NRG1: variants seen among roughly 807,000 people sequenced by gnomAD.
NRG1 encodes neuregulin 1.
NRG1 carries 18 observed loss-of-function variants against 63.8 expected under a neutral mutation model. That is an observed-to-expected ratio of 0.28 (90% CI 0.19 to 0.42). The LOEUF (loss-of-function observed/expected upper bound fraction) is 0.42, where lower values mean the gene tolerates loss of function less well. Among genes scored for constraint, NRG1 ranks in the 10% least tolerant of loss-of-function variants. The pLI, the probability that NRG1 is intolerant of heterozygous loss-of-function variation, is 1.00. For synonymous variants in NRG1, 302 were observed against 301.3 expected, an observed-to-expected ratio of 1.00 and a Z score of -0.02; for missense variants, 762 against 814.7, an observed-to-expected ratio of 0.94 and a Z score of 0.79.
At chr8:32,598,077 A>C (rs1843676597) in intron 2 of NRG1, among the ~76,000 whole-genome samples, 1 of 152,184 alleles carries the variant, frequency 6.6e-6, no homozygotes. Context: ...TTAAGTGCCC[A>C]TGAAAGGTTT....
intron 5 of NRG1, among the ~76,000 whole-genome samples, chr8:32,717,353 T>C (rs1819509169): frequency 6.6e-6 from 1 of 152,188 alleles, no homozygotes; most frequent in Non-Finnish European, 1.5e-5. Flanking sequence ...TGACGTAGAG[T>C]ACTTTAAAAA....
chr8:31,675,103 G>A (rs1056658343), intron 1 of NRG1, among the ~76,000 whole-genome samples: 2 of 152,240 alleles, frequency 1.3e-5, no homozygotes, highest in African/African-American at 4.8e-5. Flanking sequence ...AGCACTTTGG[G>A]AGGCCGAGGT....
At chr8:32,001,583 T>TTTC (rs1351532698) in intron 1 of NRG1, among the ~76,000 whole-genome samples, 1 of 152,064 alleles carries the variant, frequency 6.6e-6, no homozygotes, top group African/African-American at 2.4e-5. Flanking sequence ...TTTTCTTAGT[T>TTTC]TTCACCTTTG....
At chr8:32,578,484 T>C (rs111291777) in intron 1 of NRG1, among the ~76,000 whole-genome samples, 2 of 147,126 alleles carry the variant, frequency 1.4e-5, no homozygotes, top group Non-Finnish European at 3.0e-5. Context: ...TTTTTTTTTG[T>C]CACTAACATG....
chr8:32,560,254 C>A (rs1836125952), intron 1 of NRG1, among the ~76,000 whole-genome samples: 1 of 150,208 alleles, frequency 6.7e-6, no homozygotes, highest in Admixed American at 6.6e-5. Flanking sequence ...AATTTCAATT[C>A]TATTTTGAGC....
chr8:31,894,610 G>A (rs1046163430), intron 1 of NRG1, among the ~76,000 whole-genome samples: 2 of 146,702 alleles, frequency 1.4e-5, no homozygotes, highest in African/African-American at 2.6e-5. Flanking sequence ...GAGTGCAGTG[G>A]TGCGATCTTG....
At chr8:32,326,890 T>C (rs1354366566) in intron 1 of NRG1, among the ~76,000 whole-genome samples, 1 of 152,178 alleles carries the variant, frequency 6.6e-6, no homozygotes, top group African/African-American at 2.4e-5. Context: ...GCTCAAGCAA[T>C]ATCTTTGATC....
intron 3 of NRG1, among the ~76,000 whole-genome samples, chr8:32,610,421 T>C (rs887534371): frequency 1.3e-5 from 2 of 152,156 alleles, no homozygotes; most frequent in Non-Finnish European, 2.9e-5. Context: ...TGATGTTTAA[T>C]CTCATTAAGG....
intron 1 of NRG1, among the ~76,000 whole-genome samples, chr8:32,056,688 A>G (rs1823001748): frequency 6.6e-6 from 1 of 152,186 alleles, no homozygotes; most frequent in African/African-American, 2.4e-5. Context: ...CTTGGCACTG[A>G]AAATACCTCT....
chr8:32,189,812 G>T (rs1318163800), intron 1 of NRG1, among the ~76,000 whole-genome samples: 4 of 152,042 alleles, frequency 2.6e-5, no homozygotes, highest in Non-Finnish European at 5.9e-5. Context: ...ACCTCATTTG[G>T]CCATATAGTC....
chr8:32,101,652 T>C (rs1429204281), intron 1 of NRG1, among the ~76,000 whole-genome samples: 5 of 152,128 alleles, frequency 3.3e-5, no homozygotes, highest in Non-Finnish European at 1.5e-5. Flanking sequence ...ACAAATGTGA[T>C]GTTTGGGGCA....
chr8:32,448,895 T>A (rs1820612406), intron 1 of NRG1, among the ~76,000 whole-genome samples: 1 of 152,040 alleles, frequency 6.6e-6, no homozygotes, highest in Non-Finnish European at 1.5e-5. Context: ...TCCTCTGAAG[T>A]GTATGTGTGT....
chr8:32,652,707 G>T (rs1855389881), intron 5 of NRG1, among the ~76,000 whole-genome samples: 1 of 151,724 alleles, frequency 6.6e-6, no homozygotes, highest in African/African-American at 2.4e-5. Flanking sequence ...GTTTCTTAAT[G>T]ACATAATTAA....
At chr8:32,521,049 A>G (rs893362599) in intron 1 of NRG1, among the ~76,000 whole-genome samples, 2 of 152,172 alleles carry the variant, frequency 1.3e-5, no homozygotes, top group African/African-American at 2.4e-5. Context: ...TTTTATTATT[A>G]AGTATTGTTG....
chr8:31,734,808 G>T (rs540675915), intron 1 of NRG1, among the ~76,000 whole-genome samples: 1 of 152,242 alleles, frequency 6.6e-6, no homozygotes, highest in African/African-American at 2.4e-5. Flanking sequence ...TTCTACCTTA[G>T]ATACACATAC....
intron 1 of NRG1, among the ~76,000 whole-genome samples, chr8:32,321,165 T>A (rs1801335095): frequency 6.6e-6 from 1 of 152,190 alleles, no homozygotes. Flanking sequence ...AATTAAACTA[T>A]GCCATATACC....
chr8:31,758,644 A>C (rs1490475859), intron 1 of NRG1, among the ~76,000 whole-genome samples: 1 of 152,090 alleles, frequency 6.6e-6, no homozygotes, highest in African/African-American at 2.4e-5. Context: ...ATGTACTAGT[A>C]GTTTATATCT....
intron 1 of NRG1, among the ~76,000 whole-genome samples, chr8:32,438,492 T>A (rs139223357): frequency 5.3e-5 from 8 of 152,312 alleles, no homozygotes; most frequent in African/African-American, 1.9e-4. Context: ...CTATAAATAC[T>A]CATACACAGA....
intron 1 of NRG1, among the ~76,000 whole-genome samples, chr8:31,986,630 A>G (rs1435433486): frequency 2.0e-5 from 3 of 152,140 alleles, no homozygotes; most frequent in African/African-American, 4.8e-5. Flanking sequence ...ATAAACTCTA[A>G]ACAACAATAA....
Sources: gnomAD v4.1 joint callset for allele counts (sites outside exome capture counted in the v4.1 genomes callset) on GRCh38, gnomAD v4.1.1 for gene constraint, MANE v1.5 for transcripts, NCBI Gene and HGNC (gene_info 2026-07-23, HGNC 2026-07-21) for gene names.